The following GALNTL6 variants were observed in gnomAD, a reference collection of about 807,000 sequenced individuals.
The protein encoded by GALNTL6 is polypeptide N-acetylgalactosaminyltransferase-like 6.
In GALNTL6, 46 loss-of-function variants were observed where a neutral mutation model predicts 73.7. That is an observed-to-expected ratio of 0.62 (90% CI 0.49 to 0.80). The LOEUF is 0.80. Among genes scored for constraint, GALNTL6 ranks in the 30% least tolerant of loss-of-function variants. The probability of loss-of-function intolerance (pLI) is 0.00; values close to 1 mark genes in which losing one functional copy is unlikely to be tolerated. For missense variants in GALNTL6, 604 were observed against 755.0 expected (o/e 0.80, Z 2.34); for synonymous variants, 259 against 263.7 (o/e 0.98, Z 0.17).
intron 5 of GALNTL6, among the ~76,000 whole-genome samples, chr4:172,765,741 C>T (rs1450029382): frequency 6.6e-6 from 1 of 152,022 alleles, no homozygotes; most frequent in African/African-American, 2.4e-5. Flanking sequence ...TCAGTCGTCT[C>T]CCACACAGCT....
intron 5 of GALNTL6, among the ~76,000 whole-genome samples, chr4:172,358,515 TTTTTG>T (rs954828193): frequency 2.6e-5 from 4 of 152,166 alleles, no homozygotes; most frequent in Non-Finnish European, 5.9e-5. Flanking sequence ...TTTTTTGCAA[TTTTTG>T]TTTTGTTTTG....
intron 2 of GALNTL6, among the ~76,000 whole-genome samples, chr4:171,915,900 C>T (rs6824462): frequency 0.58 from 87,370 of 151,766 alleles, 27,646 homozygotes; most frequent in African/African-American, 0.85. Flanking sequence ...CCTTAATTCT[C>T]GAAACCCAAT....
chr4:172,164,488 A>T (rs562150925), intron 2 of GALNTL6, among the ~76,000 whole-genome samples: 1 of 152,008 alleles, frequency 6.6e-6, no homozygotes, highest in Non-Finnish European at 1.5e-5. Flanking sequence ...ATGGTTTTTA[A>T]TTAAAGATTT....
intron 8 of GALNTL6, among the ~76,000 whole-genome samples, chr4:172,895,293 G>A (rs1746261105): frequency 8.2e-6 from 1 of 122,340 alleles, no homozygotes; most frequent in Non-Finnish European, 1.8e-5. Context: ...TCCTGTCTTT[G>A]TGGTTAAGTG....
intron 2 of GALNTL6, among the ~76,000 whole-genome samples, chr4:171,969,027 G>T (rs1418967336): frequency 1.3e-5 from 2 of 151,976 alleles, no homozygotes; most frequent in East Asian, 3.9e-4. Context: ...AGTAGTGGTG[G>T]GGTTTCACCA....
chr4:171,844,885 T>A (rs1453931387), intron 2 of GALNTL6, among the ~76,000 whole-genome samples: 1 of 152,154 alleles, frequency 6.6e-6, no homozygotes, highest in African/African-American at 2.4e-5. Context: ...CTGATTGAGA[T>A]CTCTGCGGTC....
At chr4:172,946,041 GC>G (rs1383107166) in intron 9 of GALNTL6, among the ~76,000 whole-genome samples, 1 of 152,090 alleles carries the variant, frequency 6.6e-6, no homozygotes, top group Non-Finnish European at 1.5e-5. Context: ...ACACCTCCTT[GC>G]TGTAGGAGTG....
At chr4:172,371,747 CTCTT>C (rs1179372386) in intron 5 of GALNTL6, among the ~76,000 whole-genome samples, 2 of 152,022 alleles carry the variant, frequency 1.3e-5, no homozygotes, top group Admixed American at 1.3e-4. Flanking sequence ...CTTTGTCTCT[CTCTT>C]TCTTTCTACT....
At chr4:172,640,572 C>T (rs1264499472) in intron 5 of GALNTL6, among the ~76,000 whole-genome samples, 3 of 152,094 alleles carry the variant, frequency 2.0e-5, no homozygotes, top group Non-Finnish European at 2.9e-5. Flanking sequence ...AGCCACTCTC[C>T]GTGGCTTGCA....
rs147068673 is a variant in GALNTL6 at position 171,927,337 on chromosome 4, A to G, written c.138+112619A>G. On this transcript the variant is annotated intron_variant, in intron 2 of 12. Coordinates refer to ENST00000506823, the MANE Select transcript of GALNTL6 (RefSeq NM_001034845.3). ...AAGAGTCAGCTTGCTACATTTTAAC[A>G]ATAATATTCTGTAGATTGAGGTAGG... Among the ~76,000 whole-genome samples, 260 of 152,264 alleles carry G rather than the reference A, an allele frequency of 1.7e-3. 2 individuals carry two copies. The highest frequency in any genetic ancestry group is 0.012 in the Admixed American group (177 of 15,282).
intron 3 of GALNTL6, among the ~76,000 whole-genome samples, chr4:172,285,908 G>T (rs943706249): frequency 8.5e-5 from 13 of 152,114 alleles, no homozygotes; most frequent in Non-Finnish European, 1.9e-4. Context: ...AGTCCCTGAG[G>T]CAAGACATTA....
chr4:172,015,666 T>G (rs1404781569), intron 2 of GALNTL6, among the ~76,000 whole-genome samples: 1 of 152,074 alleles, frequency 6.6e-6, no homozygotes, highest in Non-Finnish European at 1.5e-5. Flanking sequence ...GAGATCCTAT[T>G]TTGGTATATT....
intron 2 of GALNTL6, among the ~76,000 whole-genome samples, chr4:171,887,761 A>G (rs529530902): frequency 6.6e-6 from 1 of 152,308 alleles, no homozygotes; most frequent in African/African-American, 2.4e-5. Flanking sequence ...TCTTCTTAAC[A>G]TGCAGCAGAA....
intron 4 of GALNTL6, among the ~76,000 whole-genome samples, chr4:172,320,799 C>A (rs527872772): frequency 5.9e-5 from 9 of 152,288 alleles, no homozygotes; most frequent in African/African-American, 2.2e-4. Flanking sequence ...GAGGAAGAAA[C>A]CCCTACGAAT....
At chr4:172,825,119 T>C (rs557482286) in intron 7 of GALNTL6, among the ~76,000 whole-genome samples, 5 of 148,030 alleles carry the variant, frequency 3.4e-5, no homozygotes, top group African/African-American at 2.5e-5. Flanking sequence ...TCTTTCTTTC[T>C]TTCTTTCTTT....
intron 4 of GALNTL6, among the ~76,000 whole-genome samples, chr4:172,348,015 T>C (rs1449317073): frequency 6.6e-6 from 1 of 152,176 alleles, no homozygotes; most frequent in Non-Finnish European, 1.5e-5. Context: ...AATTGAATTT[T>C]AATTTATTCT....
At chr4:172,886,514 CCA>C (rs200666891) in intron 8 of GALNTL6, among the ~76,000 whole-genome samples, 2,221 of 152,190 alleles carry the variant, frequency 0.015, 63 homozygotes, top group African/African-American at 0.051. Flanking sequence ...GACTATAATC[CCA>C]GCACTTTGGG....
chr4:172,488,808 A>C (rs1468731810), intron 5 of GALNTL6, among the ~76,000 whole-genome samples: 3 of 136,458 alleles, frequency 2.2e-5, no homozygotes, highest in African/African-American at 5.3e-5. Flanking sequence ...CGTAGCTGAG[A>C]TGCCAGAGAA....
intron 5 of GALNTL6, among the ~76,000 whole-genome samples, chr4:172,421,968 A>T (rs566828698): frequency 5.8e-4 from 88 of 152,082 alleles, no homozygotes; most frequent in Non-Finnish European, 7.9e-4. Flanking sequence ...TCTAATCAAA[A>T]AATTAGATGT....
Sources: gnomAD v4.1 joint callset for allele counts (sites outside exome capture counted in the v4.1 genomes callset) on GRCh38, gnomAD v4.1.1 for gene constraint, MANE v1.5 for transcripts, NCBI Gene and HGNC (gene_info 2026-07-23, HGNC 2026-07-21) for gene names.